Variants in TSNARE1 observed in about 807,000 individuals in gnomAD.
TSNARE1 encodes t-SNARE domain containing 1.
Under a neutral mutation model 62.0 loss-of-function variants are expected in TSNARE1, and 49 were observed. The ratio of observed to expected loss-of-function variants is 0.79; its 90% CI spans 0.63 to 1.00. The LOEUF (loss-of-function observed/expected upper bound fraction) is 1.00, where lower values mean the gene tolerates loss of function less well. TSNARE1 is among the 50% of genes least tolerant of loss of function. The pLI, the probability that TSNARE1 is intolerant of heterozygous loss-of-function variation, is 0.00. For missense variants in TSNARE1, 755 were observed against 700.1 expected, an observed-to-expected ratio of 1.08 and a Z score of -0.88; for synonymous variants, 328 against 294.4, an observed-to-expected ratio of 1.11 and a Z score of -1.17.
chr8:142,388,149 A>G (rs1295483493), intron 1 of TSNARE1, among the ~76,000 whole-genome samples: 5 of 152,202 alleles, frequency 3.3e-5, no homozygotes, highest in African/African-American at 9.6e-5. Context: ...GTCTTAAGAA[A>G]AAAATCATAT....
chr8:142,365,512 C>T (rs1289796625), intron 1 of TSNARE1, among the ~76,000 whole-genome samples: 1 of 152,066 alleles, frequency 6.6e-6, no homozygotes, highest in Non-Finnish European at 1.5e-5. Flanking sequence ...TGTAGCTATA[C>T]ACATTGTGTA....
At chr8:142,331,863 A>C in intron 4 of TSNARE1, 32 bp from the exon 5 acceptor site, 1 of 1,584,690 alleles carries the variant, frequency 6.3e-7, no homozygotes, top group Non-Finnish European at 8.6e-7. Flanking sequence ...GAAAGAACAC[A>C]GGCTAAGGGT....
intron 9 of TSNARE1, among the ~76,000 whole-genome samples, chr8:142,306,738 T>C (rs956751162): frequency 1.2e-4 from 19 of 152,248 alleles, no homozygotes; most frequent in African/African-American, 3.9e-4. Context: ...TCATCATTTA[T>C]AGTTTGCAAA....
intron 1 of TSNARE1, among the ~76,000 whole-genome samples, chr8:142,376,917 C>A (rs906856967): frequency 1.3e-5 from 2 of 152,218 alleles, no homozygotes; most frequent in African/African-American, 4.8e-5. Flanking sequence ...GCAGGGAGAG[C>A]CACACAGGAC....
intron 10 of TSNARE1, among the ~76,000 whole-genome samples, chr8:142,294,617 C>T (rs9324580): frequency 0.24 from 36,405 of 152,160 alleles, 4,926 homozygotes; most frequent in African/African-American, 0.36. Flanking sequence ...AGCCAGCTCT[C>T]TCCTGGCCAA....
chr8:142,282,371 G>A (rs1412159018), intron 11 of TSNARE1, among the ~76,000 whole-genome samples: 1 of 152,272 alleles, frequency 6.6e-6, no homozygotes, highest in Non-Finnish European at 1.5e-5. Context: ...CTGTCAACGA[G>A]CGGAGCAGGG....
Position 142,393,654 on chromosome 8 carries a change from C to G in TSNARE1, c.-40+9450G>C, listed in dbSNP as rs568993737. Among the ~76,000 whole-genome samples the G allele has an allele frequency of 3.3e-5, 5 of 152,366 alleles. No individual in the cohort carries two copies. The South Asian group carries it at 1.0e-3, about 32-fold the overall frequency. ...TCTCCCTGGTCTGACTCCCCGAGCA[C>G]CTGCCCCGTCCACTCCACCACCTCC... On this transcript the variant is annotated intron_variant, in intron 1 of 13. Coordinates refer to ENST00000524325, the MANE Select transcript of TSNARE1 (RefSeq NM_145003.5).
chr8:142,222,547 C>T (rs796948811), intron 13 of TSNARE1, among the ~76,000 whole-genome samples: 1 of 115,458 alleles, frequency 8.7e-6, no homozygotes, highest in Admixed American at 8.6e-5. Context: ...CACTCATTCA[C>T]TCACTCACTC....
intron 6 of TSNARE1, among the ~76,000 whole-genome samples, chr8:142,325,560 C>T (rs896865805): frequency 9.2e-5 from 14 of 152,106 alleles, no homozygotes; most frequent in Non-Finnish European, 1.3e-4. Context: ...AGCCCACGAC[C>T]GGTGAGGGCA....
At chr8:142,391,553 G>A (rs1284685999) in intron 1 of TSNARE1, among the ~76,000 whole-genome samples, 1 of 152,240 alleles carries the variant, frequency 6.6e-6, no homozygotes, top group African/African-American at 2.4e-5. Flanking sequence ...CCTTGAGCCA[G>A]GGCTCTGGCA....
At chr8:142,363,048 C>T (rs1355275677) in intron 1 of TSNARE1, among the ~76,000 whole-genome samples, 1 of 152,198 alleles carries the variant, frequency 6.6e-6, no homozygotes, top group Non-Finnish European at 1.5e-5. Flanking sequence ...CAGAAGCCCA[C>T]AGCCACCATG....
At chr8:142,304,015 C>T (rs773096236) in intron 9 of TSNARE1, among the ~76,000 whole-genome samples, 5 of 152,244 alleles carry the variant, frequency 3.3e-5, no homozygotes, top group African/African-American at 7.2e-5. Flanking sequence ...GGTGAGGCTG[C>T]CCTAGCCAGG....
intron 12 of TSNARE1, chr8:142,271,552 G>T: frequency 7.2e-7 from 1 of 1,388,788 alleles, no homozygotes; most frequent in South Asian, 1.6e-5. Context: ...TGGAGGCTGG[G>T]GAAGCAGGTG....
At chr8:142,235,841 C>T (rs959918329) in intron 12 of TSNARE1, among the ~76,000 whole-genome samples, 1 of 152,004 alleles carries the variant, frequency 6.6e-6, no homozygotes, top group African/African-American at 2.4e-5. Flanking sequence ...GCCAGGGGCA[C>T]GGGAGTCCTG....
chr8:142,294,959 G>C (rs1400776976), intron 10 of TSNARE1, among the ~76,000 whole-genome samples: 1 of 152,148 alleles, frequency 6.6e-6, no homozygotes, highest in Non-Finnish European at 1.5e-5. Flanking sequence ...TCACCTCCGC[G>C]GCACCTGGAT....
intron 13 of TSNARE1, among the ~76,000 whole-genome samples, chr8:142,215,325 G>A (rs559049221): frequency 3.3e-5 from 5 of 152,276 alleles, no homozygotes; most frequent in South Asian, 2.1e-4. Context: ...GGTGCTCAGC[G>A]TGCCCCTCAA....
At chr8:142,227,460 C>A (rs1216659453) in intron 13 of TSNARE1, among the ~76,000 whole-genome samples, 3 of 151,344 alleles carry the variant, frequency 2.0e-5, no homozygotes, top group Non-Finnish European at 4.4e-5. Flanking sequence ...CCACTGCACC[C>A]ACAACCACAA....
chr8:142,274,574 G>C (rs1279020248), intron 12 of TSNARE1: 1 of 985,324 alleles, frequency 1.0e-6, no homozygotes, highest in African/African-American at 1.7e-5. Flanking sequence ...GACCGCTGTG[G>C]GCACCACGCA....
At chr8:142,400,504 G>A (rs1487703782) in intron 1 of TSNARE1, among the ~76,000 whole-genome samples, 1 of 151,920 alleles carries the variant, frequency 6.6e-6, no homozygotes, top group African/African-American at 2.4e-5. Flanking sequence ...ACTTTGGGAG[G>A]CCGAGGTGGG....
Sources: allele counts gnomAD v4.1 joint callset (sites outside exome capture counted in the v4.1 genomes callset), GRCh38; gene constraint gnomAD v4.1.1; transcripts MANE v1.5; gene names NCBI Gene and HGNC (gene_info 2026-07-23, HGNC 2026-07-21).